The following RAB18 variants were observed in gnomAD, a reference collection of about 807,000 sequenced individuals.
RAB18 encodes ras-related protein Rab-18.
RAB18 carries 10 observed loss-of-function variants against 28.5 expected under a neutral mutation model. That is an observed-to-expected ratio of 0.35 (90% CI 0.22 to 0.60). The LOEUF is 0.60. Among genes scored for constraint, RAB18 ranks in the 20% least tolerant of loss-of-function variants. The pLI is 0.78. For missense variants in RAB18, 188 were observed against 244.2 expected, an observed-to-expected ratio of 0.77 and a Z score of 1.53; for synonymous variants, 93 against 86.9, an observed-to-expected ratio of 1.07 and a Z score of -0.39.
intron 6 of RAB18, 115 bp downstream of exon 6, chr10:27,534,109 AG>A (rs1441898640): frequency 4.9e-6 from 5 of 1,017,498 alleles, no homozygotes; most frequent in Non-Finnish European, 7.6e-6. Context: ...TATTGTTCCT[AG>A]TTGCCTTGTG....
At chr10:27,507,121 G>C (rs889221931) in intron 1 of RAB18, among the ~76,000 whole-genome samples, 1 of 152,222 alleles carries the variant, frequency 6.6e-6, no homozygotes, top group African/African-American at 2.4e-5. Context: ...CTGTGGATAT[G>C]ATCTTAAAGG....
chr10:27,517,530 A>G (rs1266025521), intron 2 of RAB18, among the ~76,000 whole-genome samples: 1 of 152,198 alleles, frequency 6.6e-6, no homozygotes, highest in African/African-American at 2.4e-5. Context: ...CCCATGGAAC[A>G]ATTATACAGA....
intron 1 of RAB18, among the ~76,000 whole-genome samples, chr10:27,509,063 A>C (rs1834272818): frequency 6.6e-6 from 1 of 152,174 alleles, no homozygotes; most frequent in Non-Finnish European, 1.5e-5. Flanking sequence ...AAGATGTAAA[A>C]TCTTAGAGTA....
At chr10:27,536,031 G>A (rs919691420) in intron 6 of RAB18, among the ~76,000 whole-genome samples, 3 of 149,068 alleles carry the variant, frequency 2.0e-5, no homozygotes, top group Non-Finnish European at 3.0e-5. Flanking sequence ...TGCAGTGAGC[G>A]AGATCACGCC....
chr10:27,521,364 C>G (rs1016467642), intron 2 of RAB18, among the ~76,000 whole-genome samples: 5 of 152,136 alleles, frequency 3.3e-5, no homozygotes, highest in African/African-American at 1.2e-4. Flanking sequence ...GTATTAAAAT[C>G]TCCGACTGTT....
intron 1 of RAB18, 150 bp downstream of exon 1, chr10:27,504,587 C>G (rs1837758321): frequency 2.2e-6 from 2 of 930,052 alleles, no homozygotes; most frequent in African/African-American, 3.3e-5. Context: ...GGGCCGCGCT[C>G]TCCCGCGACG....
In RAB18 at chr10:27,542,189, T is replaced by C; in HGVS notation, c.*4138T>C. ...AATTGGACCTGAATTGAGATCTATT[T>C]CTCAGCTTTCACTTATGTGAGCCAA... On this transcript the variant is annotated 3_prime_UTR_variant, in exon 7 of 7. Transcript: ENST00000356940. 2.2e-6 allele frequency: 1 copy of C among 454,134 alleles called. No homozygotes were observed. Among genetic ancestry groups the C allele is most frequent in the South Asian group, 1.6e-5 (1 of 64,484 alleles). The allele number at this position is 454,134 out of a possible 1,614,324, so 28.1% of individuals were successfully genotyped here.
At position 27,541,778 on chromosome 10, in the gene RAB18, G is replaced by T. The variant is rs1589599967; in HGVS notation, c.*3727G>T. The stretch of plus-strand genomic sequence containing the variant: ...ACTGACTTTAATTTCTTGTTTGTGT[G>T]TGCTGTGGCTGCCCGATCCAGCACC... On this transcript the variant is annotated 3_prime_UTR_variant, in exon 7 of 7. Coordinates refer to ENST00000356940, the MANE Select transcript of RAB18 (RefSeq NM_021252.5). 2.2e-6 allele frequency: 1 copy of T among 453,520 alleles called. No individual in the cohort carries two copies. The highest frequency in any genetic ancestry group is 4.4e-6 in the Non-Finnish European group (1 of 226,692). The allele number at this position is 453,520 out of a possible 1,614,324, so 28.1% of individuals were successfully genotyped here. A position where few individuals can be genotyped will look rare whatever the true frequency, so the allele number is the denominator to read the frequency against.
chr10:27,518,706 C>T (rs1461962941), intron 2 of RAB18, among the ~76,000 whole-genome samples: 1 of 151,886 alleles, frequency 6.6e-6, no homozygotes, highest in African/African-American at 2.4e-5. Flanking sequence ...TGTTTTCCTC[C>T]CAGTCTCTGG....
At chr10:27,516,475 T>C (rs1483716018) in intron 2 of RAB18, among the ~76,000 whole-genome samples, 1 of 151,688 alleles carries the variant, frequency 6.6e-6, no homozygotes, top group Admixed American at 6.6e-5. Flanking sequence ...GGAGAATCGC[T>C]TAAATTCAGG....
Position 27,518,270 on chromosome 10 carries a change from G to T in RAB18, c.124+8340G>T, listed in dbSNP as rs11015840. On this transcript the variant is annotated intron_variant, in intron 2 of 6. Coordinates refer to ENST00000356940, the MANE Select transcript of RAB18 (RefSeq NM_021252.5). ...TACATACCCAGTAATGGAATTGGTGGGTCATATGATAAATGCATATTTAAC... is the reference window on the plus strand; with the variant it reads ...TACATACCCAGTAATGGAATTGGTGTGTCATATGATAAATGCATATTTAAC... Among the ~76,000 whole-genome samples, 3,726 of 152,140 alleles carry T rather than the reference G, an allele frequency of 0.024. 317 individuals are homozygous for T. In the East Asian group the frequency reaches 0.3, roughly 12 times the overall value.
chr10:27,537,141 A>G (rs1039653854), intron 6 of RAB18, among the ~76,000 whole-genome samples: 3 of 152,248 alleles, frequency 2.0e-5, no homozygotes, highest in African/African-American at 7.2e-5. Context: ...CAGTTTATCC[A>G]TTCTCACAGG....
intron 2 of RAB18, among the ~76,000 whole-genome samples, chr10:27,523,843 G>A (rs12359704): frequency 0.15 from 22,678 of 151,890 alleles, 2,289 homozygotes; most frequent in Non-Finnish European, 0.2. Flanking sequence ...ACTTTGGGAG[G>A]CCGAGGCGGG....
Position 27,533,887 on chromosome 10 carries a change from T to A in RAB18, c.378+34T>A, listed in dbSNP as rs2242356. On this transcript the variant is annotated intron_variant, in intron 5 of 6. Transcript: ENST00000356940. ...GCAGACACTTGGCATTTTGGTTCTATATTTTGGTAGCCTTTCTTAATCATT... is the reference window on the plus strand; with the variant it reads ...GCAGACACTTGGCATTTTGGTTCTAAATTTTGGTAGCCTTTCTTAATCATT... The A allele has an allele frequency of 0.023, 37,194 of 1,609,514 alleles. 4,182 individuals carry two copies. The East Asian group carries it at 0.37, about 16-fold the overall frequency.
In RAB18 at chr10:27,537,933, A is replaced by C. The variant is rs1321422540; in HGVS notation, c.503A>C (p.Lys168Thr). The change falls in exon 7 of 7, where the codon AAG (lysine) becomes ACG (threonine). Residue 168 changes from lysine to threonine, a missense_variant. Transcript: ENST00000356940. ...VQCAFEELVE[K>T]IIQTPGLWES... ...TGTGCCTTTGAAGAACTTGTTGAAAAGATCATTCAGACCCCTGGACTGTGG... is the reference window on the plus strand; with the variant it reads ...TGTGCCTTTGAAGAACTTGTTGAAACGATCATTCAGACCCCTGGACTGTGG... 1 of 1,613,964 alleles carries C rather than the reference A, an allele frequency of 6.2e-7. No individual in the cohort carries two copies. Among genetic ancestry groups the C allele is most frequent in the Non-Finnish European group, 8.5e-7 (1 of 1,180,008 alleles).
intron 2 of RAB18, among the ~76,000 whole-genome samples, chr10:27,517,724 A>G (rs1264616224): frequency 6.6e-6 from 1 of 152,204 alleles, no homozygotes; most frequent in South Asian, 2.1e-4. Context: ...TTTTTGGTAT[A>G]CAGTTTGATT....
chr10:27,505,191 G>A (rs758351597), intron 1 of RAB18: 1 of 525,670 alleles, frequency 1.9e-6, no homozygotes, highest in Admixed American at 2.0e-5. Context: ...TGAGTATAAG[G>A]TAAGACATGG....
At chr10:27,532,058 T>TC (rs1834799109) in intron 3 of RAB18, among the ~76,000 whole-genome samples, 1 of 151,854 alleles carries the variant, frequency 6.6e-6, no homozygotes, top group South Asian at 2.1e-4. Context: ...AAGTAAGACA[T>TC]CCCATAATTT....
At chr10:27,524,683 G>T (rs1265574598) in intron 2 of RAB18, among the ~76,000 whole-genome samples, 2 of 152,236 alleles carry the variant, frequency 1.3e-5, no homozygotes, top group Non-Finnish European at 2.9e-5. Context: ...AGAGATTGAA[G>T]ACACAGTTTA....
Sources: allele counts gnomAD v4.1 joint callset (sites outside exome capture counted in the v4.1 genomes callset), GRCh38; gene constraint gnomAD v4.1.1; transcripts MANE v1.5; gene names NCBI Gene and HGNC (gene_info 2026-07-23, HGNC 2026-07-21).